The following WASF2 variants were observed in gnomAD, a reference collection of about 807,000 sequenced individuals.
WASF2 encodes WASP family member 2.
WASF2 carries 14 observed loss-of-function variants against 45.0 expected under a neutral mutation model. The observed-to-expected ratio is 0.31, with a 90% CI of 0.21 to 0.49. The LOEUF (loss-of-function observed/expected upper bound fraction) is 0.49, where lower values mean the gene tolerates loss of function less well. WASF2 is among the 20% of genes least tolerant of loss of function. WASF2 has a pLI of 0.99. For synonymous variants in WASF2, 200 were observed against 236.3 expected, an observed-to-expected ratio of 0.85 and a Z score of 1.41; for missense variants, 439 against 636.1, an observed-to-expected ratio of 0.69 and a Z score of 3.33.
At position 27,406,598 on chromosome 1, in the gene WASF2, A is replaced by G. The variant is rs961975661; in HGVS notation, c.*1591T>C. ...GCCAGCAGAAGCCGATTTCAGCATAAGAGGCTACACAATAGTTAGGGCAGA... is the reference window on the plus strand; with the variant it reads ...GCCAGCAGAAGCCGATTTCAGCATAGGAGGCTACACAATAGTTAGGGCAGA... On this transcript the variant is annotated 3_prime_UTR_variant, in exon 9 of 9. Transcript: ENST00000618852. The G allele has an allele frequency of 6.5e-6, 1 of 152,676 alleles. No homozygotes were observed. Among genetic ancestry groups the G allele is most frequent in the Admixed American group, 6.5e-5 (1 of 15,286 alleles). 9.5% of individuals were successfully genotyped at this position (152,676 alleles called of 1,614,324 possible). A position where few individuals can be genotyped will look rare whatever the true frequency, so the allele number is the denominator to read the frequency against.
chr1:27,408,406 G>T, intron 8 of WASF2, 60 bp from the exon 9 acceptor site: 1 of 1,607,242 alleles, frequency 6.2e-7, no homozygotes, highest in Non-Finnish European at 8.5e-7. Context: ...AATCCATCTG[G>T]AACTGGGTAA....
intron 5 of WASF2, 97 bp downstream of exon 5, chr1:27,415,888 A>C: frequency 9.9e-7 from 1 of 1,005,708 alleles, no homozygotes; most frequent in Non-Finnish European, 1.5e-6. Context: ...GCAAGCAGCC[A>C]CTTGAAATGA....
chr1:27,413,397 CA>C (rs1456303251), intron 6 of WASF2, among the ~76,000 whole-genome samples: 1 of 152,196 alleles, frequency 6.6e-6, no homozygotes, highest in Non-Finnish European at 1.5e-5. Flanking sequence ...CAAACAAGCA[CA>C]AATACACCAA....
At chr1:27,425,999 A>G (rs902369747) in intron 2 of WASF2, among the ~76,000 whole-genome samples, 3 of 152,116 alleles carry the variant, frequency 2.0e-5, no homozygotes, top group Admixed American at 6.5e-5. Context: ...CTAGGCAACA[A>G]GAGCAAAACT....
At chr1:27,482,924 T>G (rs926061499) in intron 1 of WASF2, among the ~76,000 whole-genome samples, 1 of 152,196 alleles carries the variant, frequency 6.6e-6, no homozygotes, top group Non-Finnish European at 1.5e-5. Flanking sequence ...TGGAGACATT[T>G]CTGGTTATCA....
intron 1 of WASF2, among the ~76,000 whole-genome samples, chr1:27,487,644 TTA>T (rs1491300311): frequency 1.3e-5 from 1 of 79,774 alleles, no homozygotes; most frequent in South Asian, 3.7e-4. Flanking sequence ...ATAATATATA[TTA>T]TATATTATAT....
chr1:27,462,326 T>C (rs909081549), intron 1 of WASF2, among the ~76,000 whole-genome samples: 1 of 152,190 alleles, frequency 6.6e-6, no homozygotes, highest in African/African-American at 2.4e-5. Context: ...CATCATGTCC[T>C]TTCTCCAAAT....
intron 1 of WASF2, among the ~76,000 whole-genome samples, chr1:27,478,660 G>A (rs1214293072): frequency 6.6e-6 from 1 of 152,070 alleles, no homozygotes; most frequent in Non-Finnish European, 1.5e-5. Flanking sequence ...TCGGCTCACT[G>A]CAAACTCCGC....
chr1:27,467,642 G>C (rs2017633638), intron 1 of WASF2, among the ~76,000 whole-genome samples: 2 of 151,530 alleles, frequency 1.3e-5, no homozygotes, highest in African/African-American at 4.8e-5. Flanking sequence ...GGGGGGCGCA[G>C]TGGCTCACAC....
intron 1 of WASF2, chr1:27,457,441 G>A (rs769204659): frequency 2.6e-5 from 4 of 152,158 alleles, no homozygotes; most frequent in South Asian, 2.1e-4. Context: ...GTCAGGCATG[G>A]TGGCTGACGC....
chr1:27,455,524 G>C (rs545133038), intron 1 of WASF2, among the ~76,000 whole-genome samples: 5 of 152,274 alleles, frequency 3.3e-5, no homozygotes, highest in East Asian at 1.9e-4. Context: ...GAGAGAATGT[G>C]TTATTTAAGG....
chr1:27,480,385 C>A lies in WASF2; in HGVS notation c.-44+9601G>T, dbSNP rs112812426. 5.5e-3 allele frequency among the ~76,000 whole-genome samples: 830 copies of A among 151,976 alleles called. 5 individuals carry two copies. Among genetic ancestry groups the A allele is most frequent in the African/African-American group, 0.018 (741 of 41,428 alleles). ...TACAAAAATTAGCCGAGTATGGTGGCAAGCACCTGTAATCCCAGCTACTCG... is the reference window on the plus strand; with the variant it reads ...TACAAAAATTAGCCGAGTATGGTGGAAAGCACCTGTAATCCCAGCTACTCG... On this transcript the variant is annotated intron_variant, in intron 1 of 8. Coordinates refer to ENST00000618852, the MANE Select transcript of WASF2 (RefSeq NM_006990.5).
chr1:27,454,187 A>ATTT (rs869057863), intron 1 of WASF2, among the ~76,000 whole-genome samples: 28 of 12,764 alleles, frequency 2.2e-3, no homozygotes, highest in African/African-American at 5.4e-3. Flanking sequence ...ATATATATAT[A>ATTT]TTTTTTTTTT....
chr1:27,454,758 T>C (rs1421080160), intron 1 of WASF2, among the ~76,000 whole-genome samples: 1 of 152,244 alleles, frequency 6.6e-6, no homozygotes, highest in Non-Finnish European at 1.5e-5. Flanking sequence ...TTCTTGAGAT[T>C]AGTTTATGTT....
Position 27,404,536 on chromosome 1 carries a change from T to C in WASF2, c.*3653A>G, listed in dbSNP as rs1285318559. ...CCATCCTCAGGGGAAGAGTGCCTGTTTTCAAACGGCATCCCTACTACACAT... is the reference window on the plus strand; with the variant it reads ...CCATCCTCAGGGGAAGAGTGCCTGTCTTCAAACGGCATCCCTACTACACAT... On this transcript the variant is annotated 3_prime_UTR_variant, in exon 9 of 9. Coordinates refer to ENST00000618852, the MANE Select transcript of WASF2 (RefSeq NM_006990.5). 6.6e-6 allele frequency: 1 copy of C among 152,094 alleles called. No individual in the cohort carries two copies. The highest frequency in any genetic ancestry group is 1.5e-5 in the Non-Finnish European group (1 of 68,022). The allele number at this position is 152,094 out of a possible 1,614,324, so 9.4% of individuals were successfully genotyped here.
chr1:27,424,381 C>A (rs941075654), intron 2 of WASF2, among the ~76,000 whole-genome samples: 1 of 152,214 alleles, frequency 6.6e-6, no homozygotes, highest in African/African-American at 2.4e-5. Context: ...TCCATTCCTA[C>A]ATTCTTTGTG....
rs1557592176 is a variant in WASF2, at chr1:27,405,598, C to CTT, written c.*2590_*2591insAA. The CTT allele has an allele frequency of 1.1e-5, 1 of 92,742 alleles. No homozygotes were observed. Among genetic ancestry groups the CTT allele is most frequent in the Non-Finnish European group, 2.0e-5 (1 of 50,510 alleles). 5.7% of individuals were successfully genotyped at this position (92,742 alleles called of 1,614,324 possible). A position where few individuals can be genotyped will look rare whatever the true frequency, so the allele number is the denominator to read the frequency against. The stretch of plus-strand genomic sequence containing the variant: ...TTAAAGGGCTCTGGGTCTAAAGAAG[C>CTT]CTTTTTTTTTTTTTTTTTTTTTTTT... On this transcript the variant is annotated 3_prime_UTR_variant, in exon 9 of 9. Transcript: ENST00000618852.
intron 2 of WASF2, among the ~76,000 whole-genome samples, chr1:27,427,808 T>C (rs943047670): frequency 2.6e-5 from 4 of 152,158 alleles, no homozygotes; most frequent in African/African-American, 9.7e-5. Context: ...TCTGAAATAA[T>C]TCACACCAAG....
At chr1:27,483,643 C>A (rs1393873461) in intron 1 of WASF2, among the ~76,000 whole-genome samples, 1 of 151,562 alleles carries the variant, frequency 6.6e-6, no homozygotes, top group Non-Finnish European at 1.5e-5. Flanking sequence ...CCATCTCAAA[C>A]AACAACAACA....
Sources: gnomAD v4.1 joint callset for allele counts (sites outside exome capture counted in the v4.1 genomes callset) on GRCh38, gnomAD v4.1.1 for gene constraint, MANE v1.5 for transcripts, NCBI Gene and HGNC (gene_info 2026-07-23, HGNC 2026-07-21) for gene names.